ITGA11: variants seen among roughly 807,000 people sequenced by gnomAD.
ITGA11 encodes the protein integrin subunit alpha 11.
ITGA11 carries 97 observed loss-of-function variants against 141.9 expected under a neutral mutation model. The observed-to-expected ratio is 0.68, with a 90% CI of 0.58 to 0.81. The LOEUF is 0.81. Among genes scored for constraint, ITGA11 ranks in the 30% least tolerant of loss-of-function variants. The pLI, the probability that ITGA11 is intolerant of heterozygous loss-of-function variation, is 0.00. For missense variants in ITGA11, 1,387 were observed against 1,559.2 expected (o/e 0.89, Z 1.86); for synonymous variants, 658 against 624.6 (o/e 1.05, Z -0.80).
intron 7 of ITGA11, chr15:68,356,930 C>T (rs1057508207): frequency 4.1e-5 from 22 of 530,142 alleles, no homozygotes; most frequent in Non-Finnish European, 4.3e-5. Context: ...ACGTGAGAAC[C>T]TTCAGATGAC....
chr15:68,300,934 A>C lies in ITGA11; in HGVS notation c.*2125T>G, dbSNP rs1047806941. ...CAGATCTGATGATATTTGATGGACGACTTGGTGCTAAGTCAATGAAAACTT... is the reference window on the plus strand; with the variant it reads ...CAGATCTGATGATATTTGATGGACGCCTTGGTGCTAAGTCAATGAAAACTT... On this transcript the variant is annotated 3_prime_UTR_variant, in exon 30 of 30. Transcript: ENST00000315757. 6 of 152,228 alleles carry C rather than the reference A, an allele frequency of 3.9e-5. No individual in the cohort carries two copies. The highest frequency in any genetic ancestry group is 8.8e-5 in the Non-Finnish European group (6 of 68,036). 9.4% of individuals were successfully genotyped at this position (152,228 alleles called of 1,614,324 possible). A position where few individuals can be genotyped will look rare whatever the true frequency, so the allele number is the denominator to read the frequency against.
Position 68,298,364 on chromosome 15 carries a change from T to C in ITGA11, c.*4695A>G, listed in dbSNP as rs1892951806. Reference sequence around the variant, plus strand: ...AGATACTCTTGCATGTTGGCGCTTATTGAACACCTACTGTATTTCAGGCAC... The same window carrying C: ...AGATACTCTTGCATGTTGGCGCTTACTGAACACCTACTGTATTTCAGGCAC... On this transcript the variant is annotated 3_prime_UTR_variant, in exon 30 of 30. Transcript: ENST00000315757. 1 of 152,164 alleles carries C rather than the reference T, an allele frequency of 6.6e-6. No individual in the cohort carries two copies. Among genetic ancestry groups the C allele is most frequent in the Non-Finnish European group, 1.5e-5 (1 of 68,046 alleles). 9.4% of individuals were successfully genotyped at this position (152,164 alleles called of 1,614,324 possible).
intron 2 of ITGA11, among the ~76,000 whole-genome samples, chr15:68,386,656 T>C (rs1895992365): frequency 6.6e-6 from 1 of 152,174 alleles, no homozygotes; most frequent in Non-Finnish European, 1.5e-5. Context: ...GCAGCCCATC[T>C]CCCAACTTCC....
chr15:68,346,120 G>A (rs1894735952), intron 10 of ITGA11, among the ~76,000 whole-genome samples: 1 of 151,956 alleles, frequency 6.6e-6, no homozygotes, highest in Non-Finnish European at 1.5e-5. Context: ...TCGGGGTGAT[G>A]GAAGAACTAG....
Position 68,348,900 on chromosome 15 carries a change from C to G in ITGA11, c.1061G>C (p.Gly354Ala). Residue 354 changes from glycine (G) to alanine (A), a missense_variant and splice_region_variant, in exon 10 of 30, where the codon GGC (glycine) becomes GCC (alanine). By Grantham distance (60) the Gly-to-Ala change is moderately conservative. Coordinates refer to ENST00000315757, the MANE Select transcript of ITGA11 (RefSeq NM_001004439.2). Reference protein sequence around the residue: ...ALGDRIFSLEGTNKNETSFGL... With the variant: ...ALGDRIFSLEATNKNETSFGL... ...AAAGGAGGTCTCGTTCTTGTTGGTG[C>G]CTGCAACAGAGTGACAGAGAGATGT... 6.2e-7 allele frequency: 1 copy of G among 1,604,210 alleles called. No individual in the cohort carries two copies. Among genetic ancestry groups the G allele is most frequent in the South Asian group, 1.1e-5 (1 of 88,836 alleles).
chr15:68,307,706 A>C lies in ITGA11; in HGVS notation c.3175-10T>G. On this transcript the variant is annotated splice_polypyrimidine_tract_variant and intron_variant, in intron 26 of 29. Transcript: ENST00000315757. This position sits in a 1 kb window ranked among gnomAD's most constrained non-coding sequence, Gnocchi z 6.1. ...CAGAGTTGCTGTGATTCTGAAAGAG[A>C]AGATGGGTCTCAGGGCTGAGCTGCT... 3.8e-6 allele frequency: 6 copies of C among 1,597,338 alleles called. No individual in the cohort carries two copies. Among genetic ancestry groups the C allele is most frequent in the Non-Finnish European group, 5.1e-6 (6 of 1,165,392 alleles).
At chr15:68,431,933 C>G in intron 1 of ITGA11, 82 bp downstream of exon 1, 2 of 1,029,328 alleles carry the variant, frequency 1.9e-6, no homozygotes, top group Non-Finnish European at 2.6e-6. Flanking sequence ...GGTCGCGTCC[C>G]GATCCTGGCC....
intron 1 of ITGA11, among the ~76,000 whole-genome samples, chr15:68,414,655 C>T (rs991010849): frequency 2.0e-5 from 3 of 152,336 alleles, no homozygotes; most frequent in African/African-American, 7.2e-5. Context: ...CATCTCCCCT[C>T]AGAGGGGAGG....
intron 3 of ITGA11, 103 bp downstream of exon 3, chr15:68,369,081 C>T (rs1488911358): frequency 1.3e-6 from 1 of 797,182 alleles, no homozygotes; most frequent in Non-Finnish European, 2.2e-6. Flanking sequence ...CATGGAGTAG[C>T]AGGAAGGAGT....
rs1029609146 is a variant in ITGA11 at position 68,335,632 on chromosome 15, C to T, written c.1425+65G>A. The T allele has an allele frequency of 3.2e-6, 5 of 1,554,806 alleles. No individual in the cohort carries two copies. In the Admixed American group the frequency reaches 8.9e-5, roughly 28 times the overall value. On this transcript the variant is annotated intron_variant, in intron 12 of 29. Coordinates refer to ENST00000315757, the MANE Select transcript of ITGA11 (RefSeq NM_001004439.2). This position sits in a 1 kb window ranked among gnomAD's most constrained non-coding sequence, Gnocchi z 4.9. Reference sequence around the variant, plus strand: ...GGTCCAGGCATGCCTGTATTTACTGCCCTCCCATTTGTCTGATCTGCCCCC... The same window carrying T: ...GGTCCAGGCATGCCTGTATTTACTGTCCTCCCATTTGTCTGATCTGCCCCC...
chr15:68,417,675 C>T (rs1396748795), intron 1 of ITGA11, among the ~76,000 whole-genome samples: 3 of 152,164 alleles, frequency 2.0e-5, no homozygotes, highest in Non-Finnish European at 4.4e-5. Flanking sequence ...CACTTACTAC[C>T]TTCCAGCTTC....
intron 2 of ITGA11, among the ~76,000 whole-genome samples, chr15:68,375,969 A>G (rs528411118): frequency 3.0e-4 from 46 of 152,278 alleles, no homozygotes; most frequent in Admixed American, 1.2e-3. Context: ...CTCCCTTGAG[A>G]AAGAGAATTC....
intron 1 of ITGA11, among the ~76,000 whole-genome samples, chr15:68,418,681 C>A (rs1442991733): frequency 1.3e-5 from 2 of 151,298 alleles, no homozygotes; most frequent in Non-Finnish European, 2.9e-5. Context: ...ACGTGGCGGC[C>A]CTGCCCACAC....
intron 20 of ITGA11, among the ~76,000 whole-genome samples, chr15:68,319,304 A>G (rs1893711377): frequency 6.6e-6 from 1 of 152,116 alleles, no homozygotes; most frequent in African/African-American, 2.4e-5. Flanking sequence ...TACCACCACT[A>G]CTGCTATGTC....
At chr15:68,429,951 G>T (rs1250879757) in intron 1 of ITGA11, among the ~76,000 whole-genome samples, 1 of 152,048 alleles carries the variant, frequency 6.6e-6, no homozygotes, top group Non-Finnish European at 1.5e-5. Flanking sequence ...CCAGCCCTTG[G>T]TTTCCCCAAG....
chr15:68,401,089 A>G (rs557642773), intron 2 of ITGA11, among the ~76,000 whole-genome samples: 2 of 149,168 alleles, frequency 1.3e-5, no homozygotes, highest in East Asian at 3.9e-4. Flanking sequence ...AAAAATGGCC[A>G]TTAAATTTAT....
intron 11 of ITGA11, 151 bp downstream of exon 11, chr15:68,339,349 C>T (rs1291214887): frequency 5.2e-5 from 43 of 825,746 alleles, no homozygotes; most frequent in Non-Finnish European, 7.9e-5. Context: ...AGAGGAAATG[C>T]CCCCGGGGAT....
chr15:68,360,844 C>A (rs775641082), intron 5 of ITGA11, among the ~76,000 whole-genome samples: 1 of 152,190 alleles, frequency 6.6e-6, no homozygotes, highest in African/African-American at 2.4e-5. Context: ...CTCCTCCTCC[C>A]TTCCCCAGCC....
intron 2 of ITGA11, among the ~76,000 whole-genome samples, chr15:68,400,915 A>T (rs1228572397): frequency 2.1e-5 from 1 of 47,498 alleles, no homozygotes; most frequent in African/African-American, 1.1e-4. Flanking sequence ...TTATATAATA[A>T]ATATTATAAT....
Sources: gnomAD v4.1 joint callset for allele counts (sites outside exome capture counted in the v4.1 genomes callset) on GRCh38, gnomAD v4.1.1 for gene constraint, Gnocchi (gnomAD v3.1) non-coding constraint, MANE v1.5 for transcripts, NCBI Gene and HGNC (gene_info 2026-07-23, HGNC 2026-07-21) for gene names.